Variants in VKORC1L1 observed in about 807,000 individuals in gnomAD.
VKORC1L1 encodes vitamin K epoxide reductase complex subunit 1L1, also known as vitamin K epoxide reductase complex subunit 1-like protein 1.
In VKORC1L1, 2 loss-of-function variants were observed where a neutral mutation model predicts 18.9. The observed-to-expected ratio is 0.11, with a 90% CI of 0.04 to 0.33. The LOEUF (loss-of-function observed/expected upper bound fraction) is 0.33, where lower values mean the gene tolerates loss of function less well. VKORC1L1 is among the 10% of genes least tolerant of loss of function. The probability of loss-of-function intolerance (pLI) is 1.00; values close to 1 mark genes in which losing one functional copy is unlikely to be tolerated. For synonymous variants in VKORC1L1, 96 were observed against 100.0 expected (o/e 0.96, Z 0.24); for missense variants, 123 against 224.1 (o/e 0.55, Z 2.88).
At chr7:65,938,654 G>A (rs1242651000) in intron 1 of VKORC1L1, among the ~76,000 whole-genome samples, 1 of 152,184 alleles carries the variant, frequency 6.6e-6, no homozygotes, top group African/African-American at 2.4e-5. Context: ...AACGCAGGAT[G>A]GTGGAAGAGT....
At position 65,955,294 on chromosome 7, in the gene VKORC1L1, C is replaced by G. The variant is rs541794553; in HGVS notation, c.*994C>G. The G allele has an allele frequency of 3.3e-5, 5 of 152,272 alleles. No individual in the cohort carries two copies. The highest frequency in any genetic ancestry group is 6.5e-5 in the Admixed American group (1 of 15,288). The allele number at this position is 152,272 out of a possible 1,614,324, so 9.4% of individuals were successfully genotyped here. A position where few individuals can be genotyped will look rare whatever the true frequency, so the allele number is the denominator to read the frequency against. ...GCAAAGAGTATTATGATGGAAAAGA[C>G]CAGTCCAAGCCCCATCGCTCCGGAG... On this transcript the variant is annotated 3_prime_UTR_variant, in exon 3 of 3. Coordinates refer to ENST00000360768, the MANE Select transcript of VKORC1L1 (RefSeq NM_173517.6).
At chr7:65,917,207 G>A (rs1290378572) in intron 1 of VKORC1L1, among the ~76,000 whole-genome samples, 4 of 151,850 alleles carry the variant, frequency 2.6e-5, no homozygotes, top group Non-Finnish European at 5.9e-5. Context: ...TCCAATTGGT[G>A]ATTAAGTCCT....
At chr7:65,940,089 A>G (rs950892427) in intron 1 of VKORC1L1, among the ~76,000 whole-genome samples, 4 of 151,630 alleles carry the variant, frequency 2.6e-5, no homozygotes, top group African/African-American at 9.7e-5. Context: ...GAGCGATGTG[A>G]TCCTTGTTCA....
chr7:65,881,340 T>C (rs1788924350), intron 1 of VKORC1L1, among the ~76,000 whole-genome samples: 1 of 152,232 alleles, frequency 6.6e-6, no homozygotes, highest in African/African-American at 2.4e-5. Context: ...AACTGATTTG[T>C]CTGCCAGGTT....
At chr7:65,945,340 A>G (rs750534058) in intron 1 of VKORC1L1, among the ~76,000 whole-genome samples, 22 of 151,320 alleles carry the variant, frequency 1.5e-4, no homozygotes, top group East Asian at 3.9e-4. Flanking sequence ...GGCCGGGCGC[A>G]GTGGCTCACG....
At chr7:65,947,421 T>G (rs1374814240) in intron 1 of VKORC1L1, among the ~76,000 whole-genome samples, 7 of 152,008 alleles carry the variant, frequency 4.6e-5, no homozygotes, top group Admixed American at 1.3e-4. Flanking sequence ...CTGGTTTTTT[T>G]TTTTTTTTTT....
chr7:65,937,506 A>G (rs1240780118), intron 1 of VKORC1L1, among the ~76,000 whole-genome samples: 1 of 152,018 alleles, frequency 6.6e-6, no homozygotes, highest in Non-Finnish European at 1.5e-5. Flanking sequence ...TGATCCTCCC[A>G]CCTCAGCCTC....
At chr7:65,902,055 G>A (rs1789327166) in intron 1 of VKORC1L1, among the ~76,000 whole-genome samples, 1 of 152,146 alleles carries the variant, frequency 6.6e-6, no homozygotes, top group African/African-American at 2.4e-5. Flanking sequence ...TGAGAACAAA[G>A]TCCAGCCCTA....
chr7:65,869,295 C>G (rs1788696456), upstream of VKORC1L1, among the ~76,000 whole-genome samples: 1 of 151,514 alleles, frequency 6.6e-6, no homozygotes, highest in South Asian at 2.1e-4. Context: ...GCCTGCGTGA[C>G]AGAGCTAAAA....
In VKORC1L1 at chr7:65,957,542, CTGTT is replaced by C. The variant is rs2115773130; in HGVS notation, c.*3245_*3248del. ...GACCAAGACTACAGTGAAATTAAAA[CTGTT>C]TGCTGGCTGGGCATGGTGGCTCACA... is the stretch of plus-strand genomic sequence containing the variant. On this transcript the variant is annotated 3_prime_UTR_variant, in exon 3 of 3. Transcript: ENST00000360768. 7.0e-6 allele frequency: 1 copy of C among 143,676 alleles called. No individual in the cohort carries two copies. The highest frequency in any genetic ancestry group is 7.1e-5 in the Admixed American group (1 of 14,162). The allele number at this position is 143,676 out of a possible 1,614,324, so 8.9% of individuals were successfully genotyped here.
chr7:65,928,222 C>CA (rs1159538011), intron 1 of VKORC1L1, among the ~76,000 whole-genome samples: 1 of 148,244 alleles, frequency 6.7e-6, no homozygotes, highest in African/African-American at 2.5e-5. Flanking sequence ...GCATCAACAT[C>CA]AAAACAATCC....
chr7:65,876,896 G>A (rs1314687784), intron 1 of VKORC1L1, among the ~76,000 whole-genome samples: 1 of 152,138 alleles, frequency 6.6e-6, no homozygotes, highest in East Asian at 1.9e-4. Context: ...AAATACAAAC[G>A]TTAACCGGGC....
intron 1 of VKORC1L1, among the ~76,000 whole-genome samples, chr7:65,944,091 A>C (rs1790079547): frequency 6.6e-6 from 1 of 152,062 alleles, no homozygotes; most frequent in South Asian, 2.1e-4. Context: ...AAAATTAGCC[A>C]GGTGTGGTGG....
chr7:65,904,957 C>A (rs1038233131), intron 1 of VKORC1L1, among the ~76,000 whole-genome samples: 4 of 151,638 alleles, frequency 2.6e-5, no homozygotes, highest in Non-Finnish European at 5.9e-5. Context: ...TTATACACAT[C>A]GTATACATAT....
chr7:65,907,963 C>T (rs1789433275), intron 1 of VKORC1L1, among the ~76,000 whole-genome samples: 1 of 152,084 alleles, frequency 6.6e-6, no homozygotes, highest in South Asian at 2.1e-4. Context: ...GCTCTGGTCC[C>T]AGCTTTGATT....
At chr7:65,928,655 G>A (rs1292947696) in intron 1 of VKORC1L1, among the ~76,000 whole-genome samples, 3 of 152,218 alleles carry the variant, frequency 2.0e-5, no homozygotes, top group Non-Finnish European at 4.4e-5. Flanking sequence ...AAGGACAATT[G>A]TGTTGCTTAC....
intron 1 of VKORC1L1, among the ~76,000 whole-genome samples, chr7:65,939,648 G>T (rs998005500): frequency 1.4e-4 from 22 of 152,198 alleles, no homozygotes; most frequent in Non-Finnish European, 2.6e-4. Context: ...CAGTAGGTAT[G>T]GCAGAGGCAG....
chr7:65,953,857 T>G (rs1790250776), intron 2 of VKORC1L1, among the ~76,000 whole-genome samples: 1 of 152,174 alleles, frequency 6.6e-6, no homozygotes. Flanking sequence ...AGAGTGAGAC[T>G]CCATCTCAAA....
Position 65,926,048 on chromosome 7 carries a change from G to GT in VKORC1L1, c.195-22622dup, listed in dbSNP as rs1789757413. 3.3e-5 allele frequency among the ~76,000 whole-genome samples: 5 copies of GT among 151,928 alleles called. No homozygotes were observed. The South Asian group carries it at 1.0e-3, about 32-fold the overall frequency. ...AACTCTGCTTAATTATTCACCTATG[G>GT]TAACATCTGTAATTATTCACCTATG... On this transcript the variant is annotated intron_variant, in intron 1 of 2. Transcript: ENST00000360768.
Sources: allele counts gnomAD v4.1 joint callset (sites outside exome capture counted in the v4.1 genomes callset), GRCh38; gene constraint gnomAD v4.1.1; transcripts MANE v1.5; gene names NCBI Gene and HGNC (gene_info 2026-07-23, HGNC 2026-07-21).